Variants in LHFPL3 observed in about 807,000 individuals in gnomAD.
LHFPL3 encodes LHFPL tetraspan subfamily member 3 protein.
In LHFPL3, 5 loss-of-function variants were observed where a neutral mutation model predicts 19.3. The observed-to-expected ratio is 0.26, with a 90% CI of 0.14 to 0.54. LHFPL3 has a LOEUF of 0.54. Ranked by LOEUF, LHFPL3 falls within the 20% of genes least tolerant of loss-of-function variation. The pLI is 0.94. For synonymous variants in LHFPL3, 133 were observed against 126.2 expected (o/e 1.05, Z -0.36); for missense variants, 249 against 307.4 (o/e 0.81, Z 1.42).
At chr7:104,789,819 G>C (rs1370090397) in intron 2 of LHFPL3, among the ~76,000 whole-genome samples, 1 of 152,116 alleles carries the variant, frequency 6.6e-6, no homozygotes, top group Non-Finnish European at 1.5e-5. Context: ...TGCCCTTCAA[G>C]AGAATTCCTC....
chr7:104,487,635 C>T (rs1347470571), intron 1 of LHFPL3, among the ~76,000 whole-genome samples: 1 of 152,236 alleles, frequency 6.6e-6, no homozygotes, highest in Non-Finnish European at 1.5e-5. Context: ...AATCATTTTT[C>T]TTTCCTCATT....
chr7:104,542,259 G>C (rs1172145937), intron 1 of LHFPL3, among the ~76,000 whole-genome samples: 1 of 152,036 alleles, frequency 6.6e-6, no homozygotes, highest in African/African-American at 2.4e-5. Flanking sequence ...GACCTTAAAA[G>C]TGTTTCCATT....
intron 2 of LHFPL3, among the ~76,000 whole-genome samples, chr7:104,824,495 A>ATTATATATATTATT (rs1347268810): frequency 3.0e-5 from 2 of 67,270 alleles, no homozygotes; most frequent in East Asian, 4.9e-4. Flanking sequence ...ATAATCTATA[A>ATTATATATATTATT]TTATATATAT....
chr7:104,470,133 A>G (rs1012573103), intron 1 of LHFPL3: 8 of 453,300 alleles, frequency 1.8e-5, no homozygotes, highest in African/African-American at 1.2e-4. Flanking sequence ...GAAGAAGAAC[A>G]TGGGTGTTGT....
At chr7:104,791,441 C>T (rs545025277) in intron 2 of LHFPL3, among the ~76,000 whole-genome samples, 34 of 152,328 alleles carry the variant, frequency 2.2e-4, no homozygotes, top group African/African-American at 7.0e-4. Context: ...GATGCCCATT[C>T]TCCTTTTGCA....
chr7:104,472,535 C>T (rs1391367602), intron 1 of LHFPL3, among the ~76,000 whole-genome samples: 5 of 152,072 alleles, frequency 3.3e-5, no homozygotes. Context: ...ATTTCCAGGC[C>T]CTTTTACATG....
intron 1 of LHFPL3, among the ~76,000 whole-genome samples, chr7:104,458,086 G>C (rs1462228148): frequency 6.6e-6 from 1 of 151,532 alleles, no homozygotes; most frequent in East Asian, 1.9e-4. Flanking sequence ...TCTGATGGTA[G>C]TTTCTTTTGC....
chr7:104,675,161 G>A (rs550183221), intron 1 of LHFPL3, among the ~76,000 whole-genome samples: 1 of 152,338 alleles, frequency 6.6e-6, no homozygotes, highest in South Asian at 2.1e-4. Flanking sequence ...ATACTTCTAA[G>A]AAGGTAACAT....
intron 2 of LHFPL3, among the ~76,000 whole-genome samples, chr7:104,888,944 GGAAAA>G (rs1447020500): frequency 6.6e-6 from 1 of 152,098 alleles, no homozygotes; most frequent in African/African-American, 2.4e-5. Context: ...AAAGATGGAA[GGAAAA>G]GAAGTTACAT....
rs1791489383 is a variant in LHFPL3 at position 104,855,614 on chromosome 7, T to TC, written c.683-50571dup. On this transcript the variant is annotated intron_variant, in intron 2 of 2. Transcript: ENST00000424859. Reference sequence around the variant, plus strand: ...TCAGACATATGGATATCCAAATAACTCCAGATTTTTCTTTCTTTTTTTTTT... The same window carrying TC: ...TCAGACATATGGATATCCAAATAACTCCCAGATTTTTCTTTCTTTTTTTTTT... Among the ~76,000 whole-genome samples, 5 of 145,344 alleles carry TC rather than the reference T, an allele frequency of 3.4e-5. No individual in the cohort carries two copies. The South Asian group carries it at 1.1e-3, about 32-fold the overall frequency.
intron 1 of LHFPL3, among the ~76,000 whole-genome samples, chr7:104,418,659 T>C (rs1352218861): frequency 6.6e-6 from 1 of 152,110 alleles, no homozygotes; most frequent in African/African-American, 2.4e-5. Flanking sequence ...GTGCTTAGGA[T>C]TTGGGAGAAG....
chr7:104,638,831 C>G (rs550302661), intron 1 of LHFPL3, among the ~76,000 whole-genome samples: 1 of 150,616 alleles, frequency 6.6e-6, no homozygotes, highest in Non-Finnish European at 1.5e-5. Context: ...GGCACAATCT[C>G]AGCTGACTGC....
At chr7:104,685,252 CAGG>C (rs1283851278) in intron 1 of LHFPL3, among the ~76,000 whole-genome samples, 1 of 152,174 alleles carries the variant, frequency 6.6e-6, no homozygotes, top group East Asian at 1.9e-4. Flanking sequence ...GAGGCTGAAG[CAGG>C]AGAATTGTTT....
At chr7:104,871,024 G>A (rs4357229) in intron 2 of LHFPL3, among the ~76,000 whole-genome samples, 1 of 152,164 alleles carries the variant, frequency 6.6e-6, no homozygotes, top group African/African-American at 2.4e-5. Flanking sequence ...ACTTGACTGA[G>A]GGTCAACCTA....
chr7:104,706,853 G>C (rs1457379999), intron 1 of LHFPL3, among the ~76,000 whole-genome samples: 5 of 152,132 alleles, frequency 3.3e-5, no homozygotes, highest in African/African-American at 4.8e-5. Flanking sequence ...CAGATTAAGT[G>C]GCTCAGCCAC....
At chr7:104,622,268 C>T (rs1458406171) in intron 1 of LHFPL3, among the ~76,000 whole-genome samples, 2 of 152,142 alleles carry the variant, frequency 1.3e-5, no homozygotes, top group African/African-American at 4.8e-5. Context: ...GGCCACCACA[C>T]TCAGCTCATT....
At chr7:104,815,179 A>G (rs1329963445) in intron 2 of LHFPL3, among the ~76,000 whole-genome samples, 5 of 151,962 alleles carry the variant, frequency 3.3e-5, no homozygotes, top group Admixed American at 1.3e-4. Context: ...TCCCACCCCA[A>G]CTTAGAAGGG....
At chr7:104,668,026 C>G (rs755702463) in intron 1 of LHFPL3, 267 of 1,613,658 alleles carry the variant, frequency 1.7e-4, no homozygotes, top group Non-Finnish European at 2.2e-4. Flanking sequence ...CTTCCCAAAT[C>G]GCCACCCTAC....
At chr7:104,778,639 C>G (rs1445193265) in intron 2 of LHFPL3, among the ~76,000 whole-genome samples, 1 of 152,232 alleles carries the variant, frequency 6.6e-6, no homozygotes, top group Admixed American at 6.5e-5. Context: ...CAGCCTCCTA[C>G]TTAGGGCTCA....
Sources: allele counts gnomAD v4.1 joint callset (sites outside exome capture counted in the v4.1 genomes callset), GRCh38; gene constraint gnomAD v4.1.1; transcripts MANE v1.5; gene names NCBI Gene and HGNC (gene_info 2026-07-23, HGNC 2026-07-21).